The following DSCAM variants were observed in gnomAD, a reference collection of about 807,000 sequenced individuals.
DSCAM encodes cell adhesion molecule DSCAM.
In DSCAM, 47 loss-of-function variants were observed where a neutral mutation model predicts 217.7. The observed-to-expected ratio is 0.22, with a 90% CI of 0.17 to 0.28. The LOEUF (loss-of-function observed/expected upper bound fraction) is 0.28, where lower values mean the gene tolerates loss of function less well. Ranked by LOEUF, DSCAM falls within the 10% of genes least tolerant of loss-of-function variation. DSCAM has a pLI of 1.00. For synonymous variants in DSCAM, 1,056 were observed against 1,015.3 expected (o/e 1.04, Z -0.76); for missense variants, 2,080 against 2,618.3 (o/e 0.79, Z 4.49).
intron 3 of DSCAM, among the ~76,000 whole-genome samples, chr21:40,494,950 C>G (rs1231842612): frequency 6.6e-6 from 1 of 150,698 alleles, no homozygotes; most frequent in Non-Finnish European, 1.5e-5. Flanking sequence ...TTATAAAAAG[C>G]TAATATGAAC....
At chr21:40,808,074 C>A (rs1232537075) in intron 1 of DSCAM, among the ~76,000 whole-genome samples, 1 of 152,108 alleles carries the variant, frequency 6.6e-6, no homozygotes, top group Admixed American at 6.5e-5. Flanking sequence ...ACGCCTCCTC[C>A]CCAAAGACAT....
At chr21:40,379,656 C>T (rs2075000769) in intron 3 of DSCAM, among the ~76,000 whole-genome samples, 1 of 152,210 alleles carries the variant, frequency 6.6e-6, no homozygotes, top group African/African-American at 2.4e-5. Flanking sequence ...GCTGCCTCCT[C>T]AAAATGGCAG....
chr21:40,476,799 TAAG>T (rs1330310838), intron 3 of DSCAM, among the ~76,000 whole-genome samples: 1 of 152,050 alleles, frequency 6.6e-6, no homozygotes, highest in African/African-American at 2.4e-5. Context: ...AAGGCCTCAA[TAAG>T]AAGAATGAGT....
chr21:40,717,247 C>T (rs1045603813), intron 1 of DSCAM, among the ~76,000 whole-genome samples: 2 of 152,186 alleles, frequency 1.3e-5, no homozygotes, highest in Non-Finnish European at 2.9e-5. Flanking sequence ...TGGAAGGGTG[C>T]TGATTATAAA....
Position 40,160,474 on chromosome 21 carries a change from G to A in DSCAM, c.3018+6744C>T, listed in dbSNP as rs563322377. On this transcript the variant is annotated intron_variant, in intron 16 of 32. Coordinates refer to ENST00000400454, the MANE Select transcript of DSCAM (RefSeq NM_001389.5). ...TTTTCACTATGAATATTACATGTTTGTATATATATGTTACTGTAAAGCTTC... is the reference window on the plus strand; with the variant it reads ...TTTTCACTATGAATATTACATGTTTATATATATATGTTACTGTAAAGCTTC... Among the ~76,000 whole-genome samples the A allele has an allele frequency of 3.3e-5, 5 of 152,212 alleles. No homozygotes were observed. The East Asian group carries it at 9.6e-4, about 29-fold the overall frequency.
At chr21:40,474,540 CCG>C (rs1225096538) in intron 3 of DSCAM, among the ~76,000 whole-genome samples, 1 of 152,136 alleles carries the variant, frequency 6.6e-6, no homozygotes. Flanking sequence ...GGAGCAGCAG[CCG>C]CGGGAGCTGC....
At chr21:40,490,230 G>C (rs2076065702) in intron 3 of DSCAM, among the ~76,000 whole-genome samples, 1 of 152,140 alleles carries the variant, frequency 6.6e-6, no homozygotes, top group African/African-American at 2.4e-5. Flanking sequence ...CATGACACGT[G>C]GGAATTATGG....
At chr21:40,071,790 G>A (rs903020356) in intron 27 of DSCAM, among the ~76,000 whole-genome samples, 4 of 152,148 alleles carry the variant, frequency 2.6e-5, no homozygotes, top group Admixed American at 6.5e-5. Flanking sequence ...ATGTGGGTTC[G>A]CTTGTTATTG....
intron 20 of DSCAM, among the ~76,000 whole-genome samples, chr21:40,112,307 T>C (rs1027162319): frequency 6.6e-6 from 1 of 151,142 alleles, no homozygotes; most frequent in African/African-American, 2.4e-5. Flanking sequence ...AACCTGCTCC[T>C]GAATGACTAC....
At chr21:40,305,389 C>CAAAAAAAAAAAAAAAAAAAAAAAAAAAA (rs58738453) in intron 9 of DSCAM, among the ~76,000 whole-genome samples, 3 of 68,568 alleles carry the variant, frequency 4.4e-5, no homozygotes, top group African/African-American at 1.2e-4. Flanking sequence ...GATCCCGTCT[C>CAAAAAAAAAAAAAAAAAAAAAAAAAAAA]AAAAAAAAAA....
At chr21:40,064,184 C>T (rs202124164) in intron 27 of DSCAM, among the ~76,000 whole-genome samples, 6 of 137,968 alleles carry the variant, frequency 4.3e-5, no homozygotes, top group East Asian at 4.7e-4. Flanking sequence ...CACACACACA[C>T]ATATATATAC....
chr21:40,755,219 G>A (rs746927453), intron 1 of DSCAM, among the ~76,000 whole-genome samples: 1 of 152,112 alleles, frequency 6.6e-6, no homozygotes, highest in South Asian at 2.1e-4. Flanking sequence ...AGGCAGAGGT[G>A]GGCGGATCAT....
At chr21:40,109,330 G>A (rs1307105679) in intron 20 of DSCAM, among the ~76,000 whole-genome samples, 2 of 152,160 alleles carry the variant, frequency 1.3e-5, no homozygotes, top group Non-Finnish European at 2.9e-5. Flanking sequence ...ATAAAACGTG[G>A]GCAGAGGACA....
chr21:40,270,503 G>A (rs2073601143), intron 11 of DSCAM, among the ~76,000 whole-genome samples: 1 of 152,170 alleles, frequency 6.6e-6, no homozygotes, highest in Non-Finnish European at 1.5e-5. Context: ...TCACAAACCT[G>A]GGACACCTCA....
chr21:40,511,331 T>C (rs1016414912), intron 3 of DSCAM, among the ~76,000 whole-genome samples: 1 of 152,182 alleles, frequency 6.6e-6, no homozygotes, highest in Non-Finnish European at 1.5e-5. Flanking sequence ...CACATATAGA[T>C]AAAATTTTAA....
intron 3 of DSCAM, among the ~76,000 whole-genome samples, chr21:40,573,052 A>G (rs2076820586): frequency 6.6e-6 from 1 of 152,238 alleles, no homozygotes; most frequent in African/African-American, 2.4e-5. Flanking sequence ...CATATAAAGT[A>G]TGATAGCTGA....
At chr21:40,678,929 G>A (rs1330316819) in intron 3 of DSCAM, among the ~76,000 whole-genome samples, 1 of 152,216 alleles carries the variant, frequency 6.6e-6, no homozygotes, top group Non-Finnish European at 1.5e-5. Context: ...AAATGCTGCA[G>A]TGTAAAGCTG....
In DSCAM at chr21:40,575,656, A is replaced by G. The variant is rs182159030; in HGVS notation, c.508+117154T>C. Among the ~76,000 whole-genome samples, 40 of 152,328 alleles carry G rather than the reference A, an allele frequency of 2.6e-4. 1 individual carries two copies. The highest frequency in any genetic ancestry group is 8.9e-4 in the African/African-American group (37 of 41,582). The stretch of plus-strand genomic sequence containing the variant: ...TTAACTAGAGAAAAATAAAAGAATT[A>G]GGCTTCATCAATTTTTTAAATTTGC... On this transcript the variant is annotated intron_variant, in intron 3 of 32. Coordinates refer to ENST00000400454, the MANE Select transcript of DSCAM (RefSeq NM_001389.5).
At chr21:40,505,065 G>A (rs1789266196) in intron 3 of DSCAM, among the ~76,000 whole-genome samples, 1 of 152,082 alleles carries the variant, frequency 6.6e-6, no homozygotes, top group Non-Finnish European at 1.5e-5. Context: ...TCAATGACTT[G>A]GTTTTGTGGT....
Sources: gnomAD v4.1 joint callset for allele counts (sites outside exome capture counted in the v4.1 genomes callset) on GRCh38, gnomAD v4.1.1 for gene constraint, MANE v1.5 for transcripts, NCBI Gene and HGNC (gene_info 2026-07-23, HGNC 2026-07-21) for gene names.